The following STXBP2 variants were observed in gnomAD, a reference collection of about 807,000 sequenced individuals.
STXBP2 encodes the protein syntaxin-binding protein 2.
In STXBP2, 47 loss-of-function variants were observed where a neutral mutation model predicts 72.2. That is an observed-to-expected ratio of 0.65 (90% CI 0.51 to 0.83). The LOEUF (loss-of-function observed/expected upper bound fraction) is 0.83. STXBP2 is among the 40% of genes least tolerant of loss of function. The pLI, the probability that STXBP2 is intolerant of heterozygous loss-of-function variation, is 0.00. For synonymous variants in STXBP2, 367 were observed against 338.7 expected (o/e 1.08, Z -0.92); for missense variants, 702 against 807.6 (o/e 0.87, Z 1.58).
chr19:7,633,634 T>G (rs1482871081), upstream of STXBP2: 7 of 646,702 alleles, frequency 1.1e-5, no homozygotes, highest in African/African-American at 5.5e-5. Context: ...GATAATTGTT[T>G]GCCCACAACG....
chr19:7,635,813 G>C (rs1004114131), upstream of STXBP2, among the ~76,000 whole-genome samples: 56 of 152,174 alleles, frequency 3.7e-4, no homozygotes, highest in Non-Finnish European at 1.2e-4. Flanking sequence ...AACCGTCCTG[G>C]TTTGCCTGTG....
chr19:7,633,086 C>A, upstream of STXBP2: 1 of 1,222,000 alleles, frequency 8.2e-7, no homozygotes, highest in Non-Finnish European at 1.1e-6. Context: ...GGACAGGCTC[C>A]GATGCGTGTC....
intron 15 of STXBP2, 106 bp downstream of exon 15, chr19:7,645,412 G>C: frequency 4.3e-6 from 5 of 1,157,630 alleles, no homozygotes; most frequent in Non-Finnish European, 6.2e-6. Context: ...GTGGTTCCTG[G>C]CGTGGTGTGG....
rs564716919 is a variant in STXBP2 at position 7,641,483 on chromosome 19, C to T, written c.430-222C>T. On this transcript the variant is annotated intron_variant, in intron 6 of 18. Transcript: ENST00000221283. ...TTGCAGGGGGCAGCGTAGAGCGCAC[C>T]GCGGGGTTGTCCAGCCAGCTTAAGG... Among the ~76,000 whole-genome samples, 252 of 152,228 alleles carry T rather than the reference C, an allele frequency of 1.7e-3. 1 individual carries two copies. The highest frequency in any genetic ancestry group is 2.5e-3 in the Non-Finnish European group (173 of 67,984).
chr19:7,631,813 G>T, the STXBP2 span: 1 of 1,394,334 alleles, frequency 7.2e-7, no homozygotes, highest in Admixed American at 2.8e-5. Context: ...TCCGTCCTGT[G>T]GATGAAGAGG....
chr19:7,631,210 A>G, the STXBP2 span: 20 of 1,378,238 alleles, frequency 1.5e-5, no homozygotes, highest in Non-Finnish European at 1.8e-5. Context: ...CTTTGTCTCA[A>G]AAAGAAACAT....
intron 16 of STXBP2, 106 bp from the exon 17 acceptor site, chr19:7,647,056 G>T (rs2032162983): frequency 8.4e-7 from 1 of 1,193,114 alleles, no homozygotes; most frequent in Non-Finnish European, 1.2e-6. Flanking sequence ...GGAGATGCTG[G>T]TTCCTGTCTG....
chr19:7,640,450 A>C, intron 4 of STXBP2: 1 of 618,196 alleles, frequency 1.6e-6, no homozygotes, highest in Non-Finnish European at 2.9e-6. Context: ...GCATGTGTGT[A>C]TGTATGTGTG....
chr19:7,644,632 G>A lies in STXBP2; in HGVS notation c.1126G>A (p.Asp376Asn), dbSNP rs373455789. The A allele has an allele frequency of 6.2e-6, 10 of 1,613,022 alleles. No individual in the cohort carries two copies. The Admixed American group carries it at 6.7e-5, about 11-fold the overall frequency. Residue 376 changes from aspartate to asparagine, a missense_variant, in exon 14 of 19, where the codon GAC becomes AAC. By Grantham distance (23) the Asp-to-Asn change is conservative. Coordinates refer to ENST00000221283, the MANE Select transcript of STXBP2 (RefSeq NM_006949.4). The part of the protein sequence containing the change: ...SVEQDLAMGS[D>N]AEGEKIKDSM... ...CCCGCAGGACCTGGCCATGGGCTCCGACGCAGAGGGGGAGAAGATCAAGGA... is the reference window on the plus strand; with the variant it reads ...CCCGCAGGACCTGGCCATGGGCTCCAACGCAGAGGGGGAGAAGATCAAGGA...
chr19:7,632,277 G>A (rs1483184093), upstream of STXBP2: 3 of 1,477,356 alleles, frequency 2.0e-6, no homozygotes, highest in Non-Finnish European at 1.8e-6. This position sits in a 1 kb window ranked among gnomAD's most constrained non-coding sequence, Gnocchi z 5.2. Flanking sequence ...CTGAAGTCAG[G>A]GCAGCGGATG....
intron 17 of STXBP2, 29 bp downstream of exon 17, chr19:7,647,276 G>T (rs1251010037): frequency 1.9e-6 from 3 of 1,610,714 alleles, no homozygotes; most frequent in East Asian, 4.5e-5. Flanking sequence ...CCCCGCCCAC[G>T]CCTGGGTCTG....
At position 7,642,245 on chromosome 19, in the gene STXBP2, G is replaced by A; in HGVS notation, c.706G>A (p.Ala236Thr). 3 of 1,614,166 alleles carry A rather than the reference G, an allele frequency of 1.9e-6. No homozygotes were observed. Among genetic ancestry groups the A allele is most frequent in the Non-Finnish European group, 2.5e-6 (3 of 1,180,016 alleles). Residue 236 changes from alanine to threonine, a missense_variant, in exon 9 of 19, where the codon GCA becomes ACA. Ala to Thr is a moderately conservative substitution (Grantham distance 58). Coordinates refer to ENST00000221283, the MANE Select transcript of STXBP2 (RefSeq NM_006949.4). The surrounding 1 kb of genome is among the most constrained non-coding windows in gnomAD (Gnocchi z 6.0). Reference protein sequence around the residue: ...TRSQLLIMDRAADPVSPLLHE... With the variant: ...TRSQLLIMDRTADPVSPLLHE... Reference sequence around the variant, plus strand: ...CTCCCAGCTGCTGATAATGGACCGGGCAGCTGACCCCGTGTCCCCACTACT... The same window carrying A: ...CTCCCAGCTGCTGATAATGGACCGGACAGCTGACCCCGTGTCCCCACTACT...
intron 4 of STXBP2, 166 bp from the exon 5 acceptor site, chr19:7,640,565 C>A: frequency 1.3e-6 from 1 of 774,874 alleles, no homozygotes; most frequent in Non-Finnish European, 2.2e-6. Flanking sequence ...TGTGTGTGTG[C>A]GCGTGTGCCC....
At chr19:7,632,759 C>G, upstream of STXBP2, 1 of 1,568,680 alleles carries the variant, frequency 6.4e-7, no homozygotes, top group Non-Finnish European at 8.6e-7. This position sits in a 1 kb window ranked among gnomAD's most constrained non-coding sequence, Gnocchi z 5.2. Flanking sequence ...GTGAACAGCG[C>G]TGTCCCTCCA....
rs1274887804 is a variant in STXBP2, at chr19:7,639,726, A to G, written c.170-5A>G. On this transcript the variant is annotated splice_polypyrimidine_tract_variant and splice_region_variant and intron_variant, in intron 3 of 18. Transcript: ENST00000221283. ...CACCTGTGTCCCTTCCTCTGTTCCTACTAGTTGTTGAAGACATCAACAAAC... is the reference window on the plus strand; with the variant it reads ...CACCTGTGTCCCTTCCTCTGTTCCTGCTAGTTGTTGAAGACATCAACAAAC... 6.2e-7 allele frequency: 1 copy of G among 1,612,192 alleles called. No homozygotes were observed. Among genetic ancestry groups the G allele is most frequent in the Non-Finnish European group, 8.5e-7 (1 of 1,179,694 alleles).
chr19:7,638,853 C>T, intron 2 of STXBP2, 78 bp downstream of exon 2: 3 of 1,598,576 alleles, frequency 1.9e-6, no homozygotes, highest in South Asian at 2.2e-5. Flanking sequence ...AATGTGGGAC[C>T]CCCAAGAACT....
At position 7,642,643 on chromosome 19, in the gene STXBP2, C is replaced by A. The variant is rs1167455436; in HGVS notation, c.902+107C>A. On this transcript the variant is annotated intron_variant, in intron 10 of 18. Coordinates refer to ENST00000221283, the MANE Select transcript of STXBP2 (RefSeq NM_006949.4). The surrounding 1 kb of genome is among the most constrained non-coding windows in gnomAD (Gnocchi z 6.0). ...AAGTCTTTGGCCCTCATGAGCACCC[C>A]TCGTGTGACTCCAGACTGGCCTCCA... 1 of 1,487,604 alleles carries A rather than the reference C, an allele frequency of 6.7e-7. No homozygotes were observed. Among genetic ancestry groups the A allele is most frequent in the African/African-American group, 1.4e-5 (1 of 72,400 alleles). The allele number at this position is 1,487,604 out of a possible 1,614,324, so 92.2% of individuals were successfully genotyped here.
intron 4 of STXBP2, chr19:7,640,199 CGTGTGTATGT>C: frequency 6.8e-6 from 3 of 444,136 alleles, no homozygotes; most frequent in Non-Finnish European, 1.3e-5. Flanking sequence ...TGTGTGTATG[CGTGTGTATGT>C]ATGTGTCTGC....
intron 6 of STXBP2, chr19:7,641,346 G>C (rs2031866633): frequency 2.0e-6 from 1 of 497,912 alleles, no homozygotes; most frequent in Admixed American, 3.3e-5. Flanking sequence ...CTCCAGCCTG[G>C]GCGACAGAGC....
Sources: allele counts gnomAD v4.1 joint callset (sites outside exome capture counted in the v4.1 genomes callset), GRCh38; gene constraint gnomAD v4.1.1; non-coding constraint Gnocchi (gnomAD v3.1); transcripts MANE v1.5; gene names NCBI Gene and HGNC (gene_info 2026-07-23, HGNC 2026-07-21).